SHTN1: variants seen among roughly 807,000 people sequenced by gnomAD.
SHTN1 encodes shootin 1.
Under a neutral mutation model 83.1 loss-of-function variants are expected in SHTN1, and 42 were observed. That is an observed-to-expected ratio of 0.51 (90% CI 0.39 to 0.65). SHTN1 has a LOEUF of 0.65. Ranked by LOEUF, SHTN1 falls within the 30% of genes least tolerant of loss-of-function variation. The pLI, the probability that SHTN1 is intolerant of heterozygous loss-of-function variation, is 0.00. For missense variants in SHTN1, 622 were observed against 737.8 expected (o/e 0.84, Z 1.82); for synonymous variants, 224 against 247.7 (o/e 0.90, Z 0.90).
intron 1 of SHTN1, among the ~76,000 whole-genome samples, chr10:117,101,550 C>T (rs1007482567): frequency 1.3e-5 from 2 of 151,994 alleles, no homozygotes; most frequent in African/African-American, 2.4e-5. Flanking sequence ...AAATAAGAGA[C>T]GAATTCTCAA....
chr10:116,991,192 G>T (rs7475012), intron 1 of SHTN1, among the ~76,000 whole-genome samples: 1 of 149,702 alleles, frequency 6.7e-6, no homozygotes, highest in Admixed American at 6.6e-5. Context: ...TCTCAAAAAA[G>T]AAAAAAAAAG....
Position 116,882,664 on chromosome 10 carries a change from T to G in SHTN1, c.*3680A>C, listed in dbSNP as rs994447468. The stretch of plus-strand genomic sequence containing the variant: ...AGACTTCTGACAAATTCTATAATTT[T>G]TATTAAGCACACTGAGGACCTCTCC... On this transcript the variant is annotated 3_prime_UTR_variant, in exon 17 of 17. Transcript: ENST00000355371. The G allele has an allele frequency of 1.3e-5, 2 of 152,208 alleles. No homozygotes were observed. The highest frequency in any genetic ancestry group is 4.8e-5 in the African/African-American group (2 of 41,462). The allele number at this position is 152,208 out of a possible 1,614,324, so 9.4% of individuals were successfully genotyped here.
At chr10:116,891,867 C>A (rs1388320385) in intron 16 of SHTN1, among the ~76,000 whole-genome samples, 1 of 152,088 alleles carries the variant, frequency 6.6e-6, no homozygotes, top group African/African-American at 2.4e-5. Context: ...AAGCTCAATT[C>A]TTTTTGTTTT....
intron 2 of SHTN1, among the ~76,000 whole-genome samples, chr10:117,033,273 T>C (rs185920736): frequency 2.6e-5 from 4 of 151,396 alleles, no homozygotes; most frequent in Admixed American, 6.6e-5. Context: ...TTAAACCAAA[T>C]TGACAAACCT....
rs1852147529 is a variant in SHTN1 at position 117,014,186 on chromosome 10, G to T, written c.-123+34259C>A. On this transcript the variant is annotated intron_variant, in intron 2 of 17. Transcript: ENST00000392901. Reference sequence around the variant, plus strand: ...AAGGGGGAATACAAGGGAATTTTTAGGGTGATAGAATTATTCTGTATGGTA... The same window carrying T: ...AAGGGGGAATACAAGGGAATTTTTATGGTGATAGAATTATTCTGTATGGTA... Among the ~76,000 whole-genome samples the T allele has an allele frequency of 2.0e-5, 3 of 152,094 alleles. No individual in the cohort carries two copies. In the East Asian group the frequency reaches 5.8e-4, roughly 29 times the overall value.
intron 2 of SHTN1, among the ~76,000 whole-genome samples, chr10:117,028,271 G>A (rs1852358898): frequency 1.6e-4 from 24 of 152,152 alleles, no homozygotes; most frequent in Admixed American, 1.6e-3. Context: ...GTTCATATGT[G>A]TGAGAAAAGA....
chr10:116,912,108 C>G (rs1848222684), intron 13 of SHTN1, among the ~76,000 whole-genome samples: 1 of 152,196 alleles, frequency 6.6e-6, no homozygotes, highest in African/African-American at 2.4e-5. Context: ...ATTGTTACCT[C>G]TTGATTATTA....
intron 1 of SHTN1, among the ~76,000 whole-genome samples, chr10:117,124,789 A>G (rs1349610282): frequency 1.3e-5 from 2 of 152,250 alleles, no homozygotes; most frequent in Non-Finnish European, 2.9e-5. Flanking sequence ...ATAAGATAAA[A>G]TAAAAGTAAT....
In SHTN1 at chr10:117,105,074, C is replaced by A. The variant is rs139348348; in HGVS notation, c.-189+21233G>T. ...CAACCTTCACAGCCCAGAACCACAT[C>A]CTCTGCCCAAAAAGCTGTCCTAGAC... On this transcript the variant is annotated intron_variant, in intron 1 of 17. Coordinates refer to the SHTN1 transcript ENST00000392901. Among the ~76,000 whole-genome samples, 59 of 152,152 alleles carry A rather than the reference C, an allele frequency of 3.9e-4. No individual in the cohort carries two copies. In the East Asian group the frequency reaches 0.011, roughly 29 times the overall value.
At chr10:117,099,747 G>A (rs1281243118) in intron 1 of SHTN1, among the ~76,000 whole-genome samples, 1 of 152,016 alleles carries the variant, frequency 6.6e-6, no homozygotes, top group Non-Finnish European at 1.5e-5. Flanking sequence ...AAACTTTATT[G>A]ACCATTTCCT....
intron 2 of SHTN1, among the ~76,000 whole-genome samples, chr10:116,978,522 T>C (rs992982196): frequency 4.6e-5 from 7 of 151,902 alleles, no homozygotes; most frequent in Admixed American, 4.6e-4. Flanking sequence ...TTCTTTCCTT[T>C]GCTATTCAGT....
At chr10:116,982,597 T>C (rs1851065059) in intron 1 of SHTN1, among the ~76,000 whole-genome samples, 1 of 152,198 alleles carries the variant, frequency 6.6e-6, no homozygotes, top group African/African-American at 2.4e-5. Flanking sequence ...TTTTAAAAAC[T>C]GAGCTTGCAC....
At chr10:116,971,003 A>G (rs1850597678) in intron 2 of SHTN1, among the ~76,000 whole-genome samples, 1 of 152,176 alleles carries the variant, frequency 6.6e-6, no homozygotes. Context: ...TGCAATGGGT[A>G]TTTGTTATAC....
rs1343888143 is a variant in SHTN1 at position 116,921,478 on chromosome 10, C to G, written c.1151G>C (p.Ser384Thr). 6.2e-7 allele frequency: 1 copy of G among 1,613,770 alleles called. No individual in the cohort carries two copies. The highest frequency in any genetic ancestry group is 8.5e-7 in the Non-Finnish European group (1 of 1,179,888). ...MSMIRKRSHP[S>T]GSGAKKEKAT... ...CTTTTCTTTCTTAGCACCACTGCCACTGGGGTGGGATCGTTTCCGGATCAT... is the reference window on the plus strand; with the variant it reads ...CTTTTCTTTCTTAGCACCACTGCCAGTGGGGTGGGATCGTTTCCGGATCAT... Residue 384 changes from serine to threonine, a missense_variant, in exon 12 of 17, where the codon AGT becomes ACT. Around this residue, in one of 3 missense-constraint regions of SHTN1, gnomAD observed 383 missense variants for 455.8 expected, o/e 0.84. Coordinates refer to ENST00000355371, the MANE Select transcript of SHTN1 (RefSeq NM_001127211.3).
upstream of SHTN1, among the ~76,000 whole-genome samples, chr10:117,010,560 C>A (rs1488605052): frequency 1.3e-5 from 2 of 152,076 alleles, no homozygotes; most frequent in Non-Finnish European, 2.9e-5. Flanking sequence ...AAGGAGAGAA[C>A]ACTTCCTAAC....
At chr10:117,058,148 A>G (rs1181656048) in intron 1 of SHTN1, among the ~76,000 whole-genome samples, 1 of 152,212 alleles carries the variant, frequency 6.6e-6, no homozygotes, top group Admixed American at 6.5e-5. Flanking sequence ...GACAAAAACA[A>G]GCAACAAAAG....
intron 16 of SHTN1, chr10:116,901,048 T>C: frequency 3.0e-6 from 3 of 985,432 alleles, no homozygotes; most frequent in Non-Finnish European, 2.4e-6. Context: ...TAATTAACCA[T>C]GATTACAATA....
chr10:117,043,468 C>T (rs7077210), intron 2 of SHTN1, among the ~76,000 whole-genome samples: 134,804 of 152,222 alleles, frequency 0.89, 61,035 homozygotes, highest in Non-Finnish European at 0.98. Context: ...CACAAAACTG[C>T]ATACTTAAAA....
At chr10:117,077,731 T>C (rs1419888330) in intron 1 of SHTN1, among the ~76,000 whole-genome samples, 1 of 152,106 alleles carries the variant, frequency 6.6e-6, no homozygotes, top group East Asian at 1.9e-4. Flanking sequence ...ATGCGGTGTT[T>C]GGTTTTTTGT....
Sources: gnomAD v4.1 joint callset for allele counts (sites outside exome capture counted in the v4.1 genomes callset) on GRCh38, gnomAD v4.1.1 for gene constraint, gnomAD v4.1.1 regional missense constraint, MANE v1.5 for transcripts, NCBI Gene and HGNC (gene_info 2026-07-23, HGNC 2026-07-21) for gene names.